SYT9: variants seen among roughly 807,000 people sequenced by gnomAD.
SYT9 encodes synaptotagmin-9.
In SYT9, 22 loss-of-function variants were observed where a neutral mutation model predicts 48.4. That is an observed-to-expected ratio of 0.45 (90% confidence interval 0.32 to 0.65). SYT9 has a LOEUF of 0.65. Among genes scored for constraint, SYT9 ranks in the 30% least tolerant of loss-of-function variants. SYT9 has a pLI of 0.03. For synonymous variants in SYT9, 265 were observed against 245.0 expected (o/e 1.08, Z -0.76); for missense variants, 577 against 622.0 (o/e 0.93, Z 0.77).
At chr11:7,329,691 T>C (rs141280448) in intron 3 of SYT9, among the ~76,000 whole-genome samples, 107 of 152,308 alleles carry the variant, frequency 7.0e-4, no homozygotes, top group African/African-American at 1.9e-3. Flanking sequence ...TGAAAGCATA[T>C]TTTTAGCTTT....
chr11:7,452,282 A>G (rs570133045), intron 6 of SYT9, among the ~76,000 whole-genome samples: 1 of 152,308 alleles, frequency 6.6e-6, no homozygotes, highest in South Asian at 2.1e-4. Flanking sequence ...GGCCTCAAGT[A>G]TTAGATAAGA....
At chr11:7,400,234 G>A (rs951746583) in intron 3 of SYT9, among the ~76,000 whole-genome samples, 6 of 152,172 alleles carry the variant, frequency 3.9e-5, no homozygotes, top group African/African-American at 1.4e-4. Flanking sequence ...TTGGAACACA[G>A]CAACTAAATA....
intron 6 of SYT9, among the ~76,000 whole-genome samples, chr11:7,452,175 ATCAAAT>A (rs1262872467): frequency 6.6e-6 from 1 of 151,160 alleles, no homozygotes; most frequent in East Asian, 1.9e-4. Context: ...ATGATAAGAA[ATCAAAT>A]TCAAGTGTAA....
chr11:7,349,823 C>T (rs763435571), intron 3 of SYT9, among the ~76,000 whole-genome samples: 7 of 152,230 alleles, frequency 4.6e-5, no homozygotes, highest in Non-Finnish European at 1.0e-4. Context: ...AAATGTAAGT[C>T]TATTTGAAGC....
intron 1 of SYT9, among the ~76,000 whole-genome samples, chr11:7,273,007 G>A (rs915105785): frequency 1.3e-5 from 2 of 152,114 alleles, no homozygotes; most frequent in African/African-American, 4.8e-5. Context: ...GGTCTTGTGG[G>A]TCATGTTAAG....
intron 1 of SYT9, among the ~76,000 whole-genome samples, chr11:7,279,396 G>A (rs1398073701): frequency 6.6e-6 from 1 of 152,146 alleles, no homozygotes; most frequent in Non-Finnish European, 1.5e-5. Flanking sequence ...GGAAAGAATA[G>A]GAGGGGTGAA....
intron 6 of SYT9, among the ~76,000 whole-genome samples, chr11:7,455,953 A>G (rs1848144461): frequency 6.6e-6 from 1 of 152,226 alleles, no homozygotes; most frequent in African/African-American, 2.4e-5. Flanking sequence ...CCCACTGTCT[A>G]AAAGTCCTAC....
intron 6 of SYT9, among the ~76,000 whole-genome samples, chr11:7,423,882 C>T (rs974396220): frequency 1.1e-4 from 17 of 152,196 alleles, no homozygotes; most frequent in African/African-American, 3.9e-4. Context: ...GTTATGCTCT[C>T]TAAGAACCTT....
chr11:7,379,764 G>A (rs1375272900), intron 3 of SYT9, among the ~76,000 whole-genome samples: 2 of 152,058 alleles, frequency 1.3e-5, no homozygotes, highest in East Asian at 3.9e-4. Flanking sequence ...CTAAAATTGA[G>A]ATTACCATCC....
intron 1 of SYT9, among the ~76,000 whole-genome samples, chr11:7,258,336 T>C (rs1848013864): frequency 6.6e-6 from 1 of 152,156 alleles, no homozygotes; most frequent in South Asian, 2.1e-4. Flanking sequence ...AAAATCACCA[T>C]TTGTGGAGAA....
At chr11:7,449,882 T>C (rs1175828953) in intron 6 of SYT9, among the ~76,000 whole-genome samples, 1 of 152,046 alleles carries the variant, frequency 6.6e-6, no homozygotes, top group Non-Finnish European at 1.5e-5. Context: ...CCCCTGCTCT[T>C]CCCACCACCT....
intron 3 of SYT9, among the ~76,000 whole-genome samples, chr11:7,357,253 T>TA (rs1214629299): frequency 6.6e-6 from 1 of 152,138 alleles, no homozygotes; most frequent in Non-Finnish European, 1.5e-5. Flanking sequence ...TATTTGCATC[T>TA]AAAAAATAAC....
At chr11:7,337,837 G>A (rs1589955138) in intron 3 of SYT9, among the ~76,000 whole-genome samples, 1 of 151,656 alleles carries the variant, frequency 6.6e-6, no homozygotes, top group African/African-American at 2.4e-5. Context: ...TATTTTGTGT[G>A]TCTGCCAGGC....
At chr11:7,466,593 C>T (rs1454274106) in intron 6 of SYT9, among the ~76,000 whole-genome samples, 199 bp from the exon 7 acceptor site, 1 of 151,860 alleles carries the variant, frequency 6.6e-6, no homozygotes, top group Admixed American at 6.6e-5. Context: ...TGGCGGCGGG[C>T]ACCTGTAATC....
chr11:7,306,309 A>G (rs975625124), intron 2 of SYT9, among the ~76,000 whole-genome samples: 6 of 152,152 alleles, frequency 3.9e-5, no homozygotes, highest in East Asian at 1.9e-4. Flanking sequence ...AGTTCATCCT[A>G]TTTTTCTCAA....
intron 6 of SYT9, among the ~76,000 whole-genome samples, chr11:7,460,743 A>G (rs928281408): frequency 6.6e-6 from 1 of 152,240 alleles, no homozygotes; most frequent in Admixed American, 6.5e-5. Flanking sequence ...CATTTAGCTT[A>G]AAAACAAAAA....
At position 7,467,980 on chromosome 11, in the gene SYT9, C is replaced by T. The variant is rs1848361600; in HGVS notation, c.*1180C>T. 1 of 305,186 alleles carries T rather than the reference C, an allele frequency of 3.3e-6. No homozygotes were observed. Among genetic ancestry groups the T allele is most frequent in the African/African-American group, 2.2e-5 (1 of 46,360 alleles). 18.9% of individuals were successfully genotyped at this position (305,186 alleles called of 1,614,324 possible). ...CCAACCAATGGCCAGCTATGCGCCT[C>T]ATCCTCATTGCTTCTGCCTCCACGT... is the stretch of plus-strand genomic sequence containing the variant. On this transcript the variant is annotated 3_prime_UTR_variant, in exon 7 of 7. Transcript: ENST00000318881.
At chr11:7,376,173 AATGC>A (rs1174602658) in intron 3 of SYT9, among the ~76,000 whole-genome samples, 2 of 152,016 alleles carry the variant, frequency 1.3e-5, no homozygotes, top group Non-Finnish European at 2.9e-5. Flanking sequence ...CACCTAGTAT[AATGC>A]ATGGTACATG....
chr11:7,449,343 AAAAAAAAT>A lies in SYT9; in HGVS notation c.1468-17448_1468-17441del, dbSNP rs1248962707. 4.4e-3 allele frequency among the ~76,000 whole-genome samples: 659 copies of A among 150,988 alleles called. 4 individuals carry two copies. Among genetic ancestry groups the A allele is most frequent in the African/African-American group, 0.015 (621 of 40,746 alleles). ...ACCTCAAAAAAAAAAAAAAAAAAAAAAAAAAAATGGAGCAAAAGCGACAACCTTGCCAG... is the reference window on the plus strand; with the variant it reads ...ACCTCAAAAAAAAAAAAAAAAAAAAAGGAGCAAAAGCGACAACCTTGCCAG... On this transcript the variant is annotated intron_variant, in intron 6 of 6. Transcript: ENST00000318881.
Sources: gnomAD v4.1 joint callset for allele counts (sites outside exome capture counted in the v4.1 genomes callset) on GRCh38, gnomAD v4.1.1 for gene constraint, MANE v1.5 for transcripts, NCBI Gene and HGNC (gene_info 2026-07-23, HGNC 2026-07-21) for gene names.